Variants in PEX5L observed in about 807,000 individuals in gnomAD.
PEX5L encodes peroxisomal biogenesis factor 5 like, also known as PEX5-related protein.
A neutral mutation model predicts 84.0 loss-of-function variants in PEX5L; 30 were observed. The ratio of observed to expected loss-of-function variants is 0.36; its 90% CI spans 0.27 to 0.48. The LOEUF (loss-of-function observed/expected upper bound fraction) is 0.48. Ranked by LOEUF, PEX5L falls within the 20% of genes least tolerant of loss-of-function variation. The pLI, the probability that PEX5L is intolerant of heterozygous loss-of-function variation, is 0.99. For missense variants in PEX5L, 533 were observed against 754.6 expected, an observed-to-expected ratio of 0.71 and a Z score of 3.44; for synonymous variants, 270 against 283.1, an observed-to-expected ratio of 0.95 and a Z score of 0.46.
At chr3:180,005,483 C>T (rs1205372995) in intron 1 of PEX5L, among the ~76,000 whole-genome samples, 6 of 152,176 alleles carry the variant, frequency 3.9e-5, no homozygotes, top group South Asian at 4.1e-4. Context: ...AATCCCAGCA[C>T]TTCGTGAGGC....
At chr3:179,807,874 A>G in intron 13 of PEX5L, 43 bp from the exon 14 acceptor site, 1 of 1,549,234 alleles carries the variant, frequency 6.5e-7, no homozygotes, top group Non-Finnish European at 8.8e-7. Flanking sequence ...AGTACAAGGC[A>G]CAATGACAGA....
intron 1 of PEX5L, among the ~76,000 whole-genome samples, chr3:180,000,424 A>G (rs1579294537): frequency 1.3e-5 from 2 of 152,250 alleles, no homozygotes; most frequent in East Asian, 3.9e-4. Context: ...GGAAACTACA[A>G]CAGCCCAATC....
chr3:179,843,118 T>C (rs1337928237), intron 8 of PEX5L, among the ~76,000 whole-genome samples: 1 of 152,182 alleles, frequency 6.6e-6, no homozygotes, highest in African/African-American at 2.4e-5. Flanking sequence ...TTTGGAATAT[T>C]CTTTTTTAGT....
intron 2 of PEX5L, among the ~76,000 whole-genome samples, chr3:179,930,153 T>C (rs1004687895): frequency 2.6e-5 from 4 of 152,208 alleles, no homozygotes; most frequent in South Asian, 2.1e-4. Flanking sequence ...ATATGAGCTT[T>C]AACAAGCTGT....
At chr3:179,912,859 A>G (rs1163414052) in intron 2 of PEX5L, among the ~76,000 whole-genome samples, 4 of 152,140 alleles carry the variant, frequency 2.6e-5, no homozygotes, top group Admixed American at 1.3e-4. Flanking sequence ...ATTCCAAGTT[A>G]TGGTCCACAG....
intron 1 of PEX5L, among the ~76,000 whole-genome samples, chr3:180,025,410 A>G (rs1460578875): frequency 1.3e-5 from 2 of 152,242 alleles, no homozygotes; most frequent in African/African-American, 4.8e-5. Flanking sequence ...GATGTATTGG[A>G]TAAAGTCACT....
intron 12 of PEX5L, among the ~76,000 whole-genome samples, chr3:179,808,978 G>A (rs1722563316): frequency 6.8e-6 from 1 of 147,704 alleles, no homozygotes; most frequent in Non-Finnish European, 1.5e-5. Context: ...GGAGGCTGAG[G>A]CAGGAGAATG....
chr3:179,968,352 C>T (rs1161951997), intron 2 of PEX5L, among the ~76,000 whole-genome samples: 1 of 152,132 alleles, frequency 6.6e-6, no homozygotes, highest in Non-Finnish European at 1.5e-5. Context: ...TCTACTCCCA[C>T]ACTTGAAATA....
At chr3:179,888,757 T>C (rs998249959) in intron 3 of PEX5L, among the ~76,000 whole-genome samples, 3 of 151,720 alleles carry the variant, frequency 2.0e-5, no homozygotes, top group Non-Finnish European at 4.4e-5. Context: ...TAGGTTTTTT[T>C]GTTTTGTTTT....
At position 179,981,540 on chromosome 3, in the gene PEX5L, C is replaced by T. The variant is rs796117343; in HGVS notation, c.22-9875G>A. Among the ~76,000 whole-genome samples, 4 of 152,120 alleles carry T rather than the reference C, an allele frequency of 2.6e-5. No individual in the cohort carries two copies. In the South Asian group the frequency reaches 8.3e-4, roughly 32 times the overall value. On this transcript the variant is annotated intron_variant, in intron 1 of 14. Coordinates refer to ENST00000467460, the MANE Select transcript of PEX5L (RefSeq NM_016559.3). ...TATCATGAGATTACTTTTTCAACACCAGCTTCTCTAGGTGATAAAAGCATC... is the reference window on the plus strand; with the variant it reads ...TATCATGAGATTACTTTTTCAACACTAGCTTCTCTAGGTGATAAAAGCATC...
chr3:179,953,879 C>A (rs1578904951), intron 2 of PEX5L, among the ~76,000 whole-genome samples: 1 of 152,126 alleles, frequency 6.6e-6, no homozygotes, highest in African/African-American at 2.4e-5. Flanking sequence ...TGATGACCAA[C>A]TGAAATGAAT....
At chr3:179,898,449 TC>T in intron 2 of PEX5L, 1 of 429,798 alleles carries the variant, frequency 2.3e-6, no homozygotes, top group South Asian at 6.8e-5. Context: ...AGCTACTTTT[TC>T]CCCTTTACAG....
At chr3:179,900,301 T>G (rs145458260) in intron 2 of PEX5L, among the ~76,000 whole-genome samples, 1 of 152,290 alleles carries the variant, frequency 6.6e-6, no homozygotes, top group Non-Finnish European at 1.5e-5. Flanking sequence ...TCAATTCCTA[T>G]TATATTTAAA....
At chr3:179,982,014 G>A (rs1048908207) in intron 1 of PEX5L, among the ~76,000 whole-genome samples, 1 of 152,158 alleles carries the variant, frequency 6.6e-6, no homozygotes, top group African/African-American at 2.4e-5. Flanking sequence ...CAAACCTAAT[G>A]TGTTTTTAAG....
chr3:179,914,394 T>G (rs1292890722), intron 2 of PEX5L, among the ~76,000 whole-genome samples: 1 of 152,230 alleles, frequency 6.6e-6, no homozygotes, highest in South Asian at 2.1e-4. Context: ...TTTCCTTCAC[T>G]TGGAATTCCC....
At chr3:179,827,681 G>C (rs1405064330) in intron 8 of PEX5L, among the ~76,000 whole-genome samples, 2 of 152,176 alleles carry the variant, frequency 1.3e-5, no homozygotes, top group African/African-American at 4.8e-5. Flanking sequence ...CTTAGAGAAG[G>C]GACTTTACTC....
chr3:179,973,615 CCTATT>C (rs1785309967), intron 1 of PEX5L: 2 of 985,262 alleles, frequency 2.0e-6, no homozygotes, highest in African/African-American at 1.7e-5. Flanking sequence ...TTTTTAATCT[CCTATT>C]CTAAACTTTC....
In PEX5L at chr3:179,797,769, GTAA is replaced by G. The variant is rs1487467252; in HGVS notation, c.*4056_*4058del. 3 of 151,928 alleles carry G rather than the reference GTAA, an allele frequency of 2.0e-5. No individual in the cohort carries two copies. Among genetic ancestry groups the G allele is most frequent in the African/African-American group, 7.2e-5 (3 of 41,404 alleles). The allele number at this position is 151,928 out of a possible 1,614,324, so 9.4% of individuals were successfully genotyped here. ...AGGTTGAAATCATAAGTGTGCACGT[GTAA>G]TAATTTCTAAAATAAGAGGGTTCAA... is the stretch of plus-strand genomic sequence containing the variant. On this transcript the variant is annotated 3_prime_UTR_variant, in exon 15 of 15. Transcript: ENST00000467460.
At chr3:179,993,729 C>T (rs1003992682) in intron 1 of PEX5L, among the ~76,000 whole-genome samples, 32 of 152,228 alleles carry the variant, frequency 2.1e-4, no homozygotes, top group African/African-American at 7.0e-4. Flanking sequence ...TCTCTAACTC[C>T]TGAGCTCAAG....
Sources: allele counts gnomAD v4.1 joint callset (sites outside exome capture counted in the v4.1 genomes callset), GRCh38; gene constraint gnomAD v4.1.1; transcripts MANE v1.5; gene names NCBI Gene and HGNC (gene_info 2026-07-23, HGNC 2026-07-21).